PHTF2: variants seen among roughly 807,000 people sequenced by gnomAD.
PHTF2 encodes the protein protein PHTF2.
Under a neutral mutation model 101.2 loss-of-function variants are expected in PHTF2, and 60 were observed. That is an observed-to-expected ratio of 0.59 (90% confidence interval 0.48 to 0.73). The LOEUF (loss-of-function observed/expected upper bound fraction) is 0.73. Among genes scored for constraint, PHTF2 ranks in the 30% least tolerant of loss-of-function variants. PHTF2 has a pLI of 0.00. For synonymous variants in PHTF2, 311 were observed against 307.3 expected (o/e 1.01, Z -0.13); for missense variants, 747 against 908.7 (o/e 0.82, Z 2.29).
intron 3 of PHTF2, among the ~76,000 whole-genome samples, chr7:77,890,356 T>C (rs918985150): frequency 6.6e-6 from 1 of 152,176 alleles, no homozygotes; most frequent in African/African-American, 2.4e-5. Context: ...ATTTCTGATT[T>C]GGTCTATCGA....
intron 7 of PHTF2, 82 bp downstream of exon 6, chr7:77,902,002 A>G: frequency 1.5e-6 from 1 of 681,066 alleles, no homozygotes; most frequent in Non-Finnish European, 2.3e-6. Context: ...AACATATGCT[A>G]ACTACTACTG....
intron 2 of PHTF2, among the ~76,000 whole-genome samples, chr7:77,842,191 A>T (rs1311533522): frequency 6.6e-6 from 1 of 151,894 alleles, no homozygotes; most frequent in Non-Finnish European, 1.5e-5. Context: ...GTAATCACAT[A>T]TTCTATTATA....
intron 3 of PHTF2, among the ~76,000 whole-genome samples, chr7:77,860,974 G>C (rs1378269726): frequency 2.0e-5 from 3 of 152,002 alleles, no homozygotes; most frequent in Admixed American, 2.0e-4. Flanking sequence ...AAATTGTTAG[G>C]ATTACAGTCA....
chr7:77,840,139 G>A lies in PHTF2; in HGVS notation c.-35-82G>A, dbSNP rs530232105. On this transcript the variant is annotated intron_variant, in intron 1 of 19. Transcript: ENST00000416283. ...ACACCCCTTGCTCTGCAAGTAACCAGAGTGCTATGTCTGCATGCTGTTCAG... is the reference window on the plus strand; with the variant it reads ...ACACCCCTTGCTCTGCAAGTAACCAAAGTGCTATGTCTGCATGCTGTTCAG... 6 of 699,420 alleles carry A rather than the reference G, an allele frequency of 8.6e-6. No individual in the cohort carries two copies. The South Asian group carries it at 1.1e-4, about 13-fold the overall frequency. 43.3% of individuals were successfully genotyped at this position (699,420 alleles called of 1,614,324 possible).
At chr7:77,923,281 T>G in intron 11 of PHTF2, 1 of 906,136 alleles carries the variant, frequency 1.1e-6, no homozygotes, top group Non-Finnish European at 1.3e-6. Context: ...AGCTTCAAAT[T>G]GTTTAAATAA....
At chr7:77,894,880 A>G (rs888680899) in intron 5 of PHTF2, among the ~76,000 whole-genome samples, 1 of 152,128 alleles carries the variant, frequency 6.6e-6, no homozygotes, top group Non-Finnish European at 1.5e-5. Context: ...AAGGAGTTTG[A>G]TTTGATAATA....
At chr7:77,850,360 CAAAAA>C (rs71082789) in intron 2 of PHTF2, among the ~76,000 whole-genome samples, 5,495 of 44,146 alleles carry the variant, frequency 0.12, 174 homozygotes, top group South Asian at 0.3. Context: ...GACCTTGTCT[CAAAAA>C]AAAAAAAAAA....
chr7:77,846,331 T>A, intron 2 of PHTF2, among the ~76,000 whole-genome samples: 1 of 152,200 alleles, frequency 6.6e-6, no homozygotes, highest in East Asian at 1.9e-4. Flanking sequence ...TTATGGCTAA[T>A]GAGAAATGAA....
chr7:77,846,805 G>A (rs978509949), intron 2 of PHTF2, among the ~76,000 whole-genome samples: 4 of 151,888 alleles, frequency 2.6e-5, no homozygotes, highest in African/African-American at 9.7e-5. Context: ...TCATGCCCAG[G>A]TAGTTTTCTT....
chr7:77,804,167 A>C (rs11972096), intron 1 of PHTF2, among the ~76,000 whole-genome samples: 62,753 of 152,068 alleles, frequency 0.41, 13,306 homozygotes, highest in African/African-American at 0.49. Context: ...TGATTTATCT[A>C]CACAGATTTC....
intron 18 of PHTF2, among the ~76,000 whole-genome samples, chr7:77,952,463 A>G (rs954319006): frequency 6.6e-6 from 1 of 152,122 alleles, no homozygotes; most frequent in African/African-American, 2.4e-5. Context: ...GGGTGGGGGG[A>G]TAATAAAAAG....
chr7:77,836,119 CAAAAAAAAA>C (rs1210225270), intron 1 of PHTF2, among the ~76,000 whole-genome samples: 1 of 64,492 alleles, frequency 1.6e-5, no homozygotes, highest in South Asian at 5.9e-4. Flanking sequence ...AACTCCATCT[CAAAAAAAAA>C]AAAAAAAAAA....
chr7:77,870,949 A>C (rs1215642055), intron 3 of PHTF2, among the ~76,000 whole-genome samples: 1 of 152,262 alleles, frequency 6.6e-6, no homozygotes, highest in Non-Finnish European at 1.5e-5. Flanking sequence ...ATATTTTCTT[A>C]GTATAAGTGT....
chr7:77,949,645 T>A (rs767837806), intron 16 of PHTF2, 33 bp from the exon 16 acceptor site: 16 of 1,301,064 alleles, frequency 1.2e-5, no homozygotes, highest in Non-Finnish European at 1.7e-5. Context: ...TGAATCACAT[T>A]GCTGCTTTAT....
intron 2 of PHTF2, among the ~76,000 whole-genome samples, chr7:77,850,641 CAAAA>C (rs545263519): frequency 1.1e-4 from 6 of 52,768 alleles, no homozygotes; most frequent in African/African-American, 2.6e-4. Flanking sequence ...GACCCTGTCT[CAAAA>C]AAAAAAAAAA....
intron 1 of PHTF2, among the ~76,000 whole-genome samples, chr7:77,824,975 T>C (rs1562846482): frequency 6.6e-6 from 1 of 151,698 alleles, no homozygotes; most frequent in Non-Finnish European, 1.5e-5. Context: ...GAGTTTGAGG[T>C]TGAAGTGAGC....
intron 3 of PHTF2, among the ~76,000 whole-genome samples, chr7:77,863,604 G>A (rs916945922): frequency 1.3e-5 from 2 of 151,226 alleles, no homozygotes; most frequent in African/African-American, 4.9e-5. Context: ...ACCTCACCTG[G>A]TCTCAGTGTA....
chr7:77,930,560 A>G (rs1012794566), intron 12 of PHTF2, among the ~76,000 whole-genome samples: 2 of 152,192 alleles, frequency 1.3e-5, no homozygotes, highest in African/African-American at 4.8e-5. Context: ...CGAGAAAAAA[A>G]AGAGAACTTT....
chr7:77,910,977 T>C (rs1007486428), intron 9 of PHTF2, among the ~76,000 whole-genome samples: 3 of 152,220 alleles, frequency 2.0e-5, no homozygotes, highest in Non-Finnish European at 4.4e-5. Flanking sequence ...GGTTAATTTA[T>C]TTTTATCACC....
Sources: gnomAD v4.1 joint callset for allele counts (sites outside exome capture counted in the v4.1 genomes callset) on GRCh38, gnomAD v4.1.1 for gene constraint, MANE v1.5 for transcripts, NCBI Gene and HGNC (gene_info 2026-07-23, HGNC 2026-07-21) for gene names.